The following RIF1 variants were observed in gnomAD, a reference collection of about 807,000 sequenced individuals.
The protein encoded by RIF1 is replication timing regulatory factor 1, also known as telomere-associated protein RIF1.
Under a neutral mutation model 247.1 loss-of-function variants are expected in RIF1, and 45 were observed. The observed-to-expected ratio is 0.18, with a 90% CI of 0.14 to 0.23. RIF1 has a LOEUF of 0.23. RIF1 is among the 10% of genes least tolerant of loss of function. The pLI, the probability that RIF1 is intolerant of heterozygous loss-of-function variation, is 1.00. For synonymous variants in RIF1, 1,087 were observed against 978.8 expected, an observed-to-expected ratio of 1.11 and a Z score of -2.06; for missense variants, 2,967 against 2,862.5, an observed-to-expected ratio of 1.04 and a Z score of -0.83.
At chr2:151,450,552 C>T (rs148410245) in intron 20 of RIF1, among the ~76,000 whole-genome samples, 1 of 151,892 alleles carries the variant, frequency 6.6e-6, no homozygotes, top group East Asian at 1.9e-4. Context: ...AAATTTGTGT[C>T]AAATGTGTCT....
rs1447950063 is a variant in RIF1, at chr2:151,451,690, C to A, written c.2329C>A (p.Gln777Lys). 3.5e-6 allele frequency: 5 copies of A among 1,414,680 alleles called. No individual in the cohort carries two copies. The highest frequency in any genetic ancestry group is 2.0e-6 in the Non-Finnish European group (2 of 1,000,534). 87.6% of individuals were successfully genotyped at this position (1,414,680 alleles called of 1,614,324 possible). The stretch of plus-strand genomic sequence containing the variant: ...CTTCTCACCATATAATATTAAATAT[C>A]AGCCCAAAGTTAAATGTAAGTATGT... ...IDFSPYNIKYQPKVKSPQRPS... is the reference protein window; with the variant it reads ...IDFSPYNIKYKPKVKSPQRPS... Residue 777 changes from glutamine (Q) to lysine (K), a missense_variant, in exon 21 of 36, where the codon CAG (glutamine) becomes AAG (lysine). By Grantham distance (53) the Gln-to-Lys change is moderately conservative. Around this residue, in one of 7 missense-constraint regions of RIF1, gnomAD observed 2,028 missense variants for 1,825.6 expected, o/e 1.11. Coordinates refer to ENST00000444746, the MANE Select transcript of RIF1 (RefSeq NM_018151.5).
chr2:151,457,892 A>G lies in RIF1; in HGVS notation c.2784A>G (p.Arg928=), dbSNP rs745475878. The G allele has an allele frequency of 1.9e-6, 3 of 1,613,850 alleles. No homozygotes were observed. Among genetic ancestry groups the G allele is most frequent in the Non-Finnish European group, 1.7e-6 (2 of 1,179,932 alleles). ...TTCTGCACAAGAATAAACAGATTCGAAAACAGAGTGCTCAGTTCTGGAATG... is the reference window on the plus strand; with the variant it reads ...TTCTGCACAAGAATAAACAGATTCGGAAACAGAGTGCTCAGTTCTGGAATG... ...IIFLHKNKQI[R]KQSAQFWNAT... Residue 928 remains arginine (R), a synonymous_variant, in exon 24 of 36, where the codon CGA becomes CGG. Transcript: ENST00000444746.
chr2:151,465,599 G>A lies in RIF1; in HGVS notation c.6079G>A (p.Gly2027Ser), dbSNP rs572034635. The change falls in exon 30 of 36, where the codon GGC becomes AGC. Residue 2027 changes from glycine (G) to serine (S), a missense_variant. Around this residue, in one of 7 missense-constraint regions of RIF1, gnomAD observed 2,028 missense variants for 1,825.6 expected, o/e 1.11. Coordinates refer to ENST00000444746, the MANE Select transcript of RIF1 (RefSeq NM_018151.5). ...GAAAAATAATGAAGAAATGATGATCGGCGAGGCAATGGCTGAAACTGGCCA... is the reference window on the plus strand; with the variant it reads ...GAAAAATAATGAAGAAATGATGATCAGCGAGGCAATGGCTGAAACTGGCCA... The part of the protein sequence containing the change: ...KMKNNEEMMI[G>S]EAMAETGHDG... 2.7e-5 allele frequency: 43 copies of A among 1,613,818 alleles called. No individual in the cohort carries two copies. In the East Asian group the frequency reaches 2.9e-4, roughly 11 times the overall value.
At chr2:151,524,012 C>T in the RIF1 span, among the ~76,000 whole-genome samples, 1 of 152,108 alleles carries the variant, frequency 6.6e-6, no homozygotes, top group Non-Finnish European at 1.5e-5. Flanking sequence ...CTCTTAAGGC[C>T]TGGGGAGAGG....
chr2:151,497,821 A>C, intron 10 of RIF1: 2 of 1,527,502 alleles, frequency 1.3e-6, no homozygotes, highest in Non-Finnish European at 1.8e-6. Flanking sequence ...AGGAGCCAGA[A>C]GTTATATGCT....
chr2:151,494,805 T>C (rs938592441), intron 9 of RIF1, among the ~76,000 whole-genome samples: 2 of 152,048 alleles, frequency 1.3e-5, no homozygotes. Flanking sequence ...TGCACCACCA[T>C]GCCCGGCTAA....
intron 19 of RIF1, 34 bp downstream of exon 19, chr2:151,445,479 T>G: frequency 9.6e-7 from 1 of 1,044,812 alleles, no homozygotes; most frequent in Non-Finnish European, 1.5e-6. Context: ...TTCCGAGGGA[T>G]TTGTATTTTT....
intron 25 of RIF1, among the ~76,000 whole-genome samples, chr2:151,459,311 A>T (rs997074802): frequency 1.3e-5 from 2 of 152,188 alleles, no homozygotes; most frequent in African/African-American, 2.4e-5. Flanking sequence ...TGGCATTAGG[A>T]GCAAAGTTTC....
rs138692067 is a variant in RIF1 at position 151,414,873 on chromosome 2, C to A, written c.234C>A (p.Ala78=). 3.1e-6 allele frequency: 5 copies of A among 1,612,854 alleles called. No individual in the cohort carries two copies. The African/African-American group carries it at 6.7e-5, about 22-fold the overall frequency. ...NSELSSAALQ[A]LGFCLYNPKI... ...AGCTGAGTAGTGCTGCTCTACAAGC[C>A]CTGGGGTTTTGCTTATATAATCCCA... The change falls in exon 4 of 36, where the codon GCC becomes GCA. Residue 78 remains alanine, a synonymous_variant. Coordinates refer to ENST00000444746, the MANE Select transcript of RIF1 (RefSeq NM_018151.5).
intron 10 of RIF1, among the ~76,000 whole-genome samples, chr2:151,434,449 T>TTTTC (rs1416297845): frequency 6.9e-6 from 1 of 145,500 alleles, no homozygotes; most frequent in Non-Finnish European, 1.5e-5. Flanking sequence ...TTTTTTTTTT[T>TTTTC]TTTTTTTTTG....
chr2:151,461,390 A>AT, intron 27 of RIF1, 101 bp downstream of exon 27: 6 of 1,100,886 alleles, frequency 5.5e-6, no homozygotes, highest in Admixed American at 2.4e-5. Flanking sequence ...TATGTGTACT[A>AT]ATTTTTTTTT....
rs779234683 is a variant in RIF1 at position 151,469,831 on chromosome 2, A to G, written c.7062A>G (p.Val2354=). ...TCCGTTCTCCAAAAGTGTCCAATGT[A>G]AAAAAGGCTCTCAGAATATATCATG... ...LPIRSPKVSN[V]KKALRIYHEQ... The change falls in exon 34 of 36, where the codon GTA becomes GTG. Residue 2354 remains valine, a synonymous_variant. Transcript: ENST00000444746. 1.9e-6 allele frequency: 3 copies of G among 1,607,588 alleles called. No homozygotes were observed. The highest frequency in any genetic ancestry group is 3.4e-5 in the Admixed American group (2 of 59,304).
chr2:151,457,087 G>A, intron 23 of RIF1, among the ~76,000 whole-genome samples: 1 of 143,836 alleles, frequency 7.0e-6, no homozygotes, highest in Non-Finnish European at 1.5e-5. Flanking sequence ...CATTTATAGG[G>A]TTTTTTTTTT....
chr2:151,526,545 C>G, the RIF1 span, among the ~76,000 whole-genome samples: 1 of 152,302 alleles, frequency 6.6e-6, no homozygotes, highest in Non-Finnish European at 1.5e-5. Context: ...ATAAGCCCTC[C>G]ATGAGCCCAT....
the RIF1 span, among the ~76,000 whole-genome samples, chr2:151,515,538 A>T: frequency 1.0e-3 from 153 of 152,190 alleles, no homozygotes; most frequent in African/African-American, 3.6e-3. Flanking sequence ...AAAATCACTG[A>T]ATAGCTTAGG....
rs187496580 is a variant in RIF1, at chr2:151,505,270, C to T, written c.*862-940C>T. 1.7e-4 allele frequency among the ~76,000 whole-genome samples: 26 copies of T among 152,228 alleles called. No homozygotes were observed. In the East Asian group the frequency reaches 4.4e-3, roughly 26 times the overall value. On this transcript the variant is annotated intron_variant and NMD_transcript_variant, in intron 12 of 13. Transcript: ENST00000454583. ...GTCAGTGACAGGTAGGAAAAGAAAG[C>T]CAAATCCCTTCTACTCCTTGATTAT... is the stretch of plus-strand genomic sequence containing the variant.
the RIF1 span, chr2:151,531,251 A>C: frequency 7.9e-3 from 4,096 of 519,934 alleles, 122 homozygotes; most frequent in African/African-American, 0.07. Flanking sequence ...CTAAGACTTC[A>C]GTGTTTCCAG....
At position 151,464,429 on chromosome 2, in the gene RIF1, T is replaced by A; in HGVS notation, c.4909T>A (p.Ser1637Thr). The change falls in exon 30 of 36, where the codon TCA becomes ACA. Residue 1637 changes from serine to threonine, a missense_variant. Ser to Thr is a moderately conservative substitution (Grantham distance 58, BLOSUM62 1). This residue lies in a region of RIF1 where 2,028 missense variants were observed against 1,825.6 expected (regional missense o/e 1.11). Transcript: ENST00000444746. ...AATATGTCAGGATTCTACAGTAACTTCAGATTTGTTGCAAGTTCCTGATGA... is the reference window on the plus strand; with the variant it reads ...AATATGTCAGGATTCTACAGTAACTACAGATTTGTTGCAAGTTCCTGATGA... ...TVICQDSTVT[S>T]DLLQVPDDLP... 2 of 1,613,534 alleles carry A rather than the reference T, an allele frequency of 1.2e-6. No homozygotes were observed. Among genetic ancestry groups the A allele is most frequent in the Non-Finnish European group, 1.7e-6 (2 of 1,179,844 alleles).
At chr2:151,422,900 A>ATT in intron 7 of RIF1, 50 bp from the exon 8 acceptor site, 1 of 968,710 alleles carries the variant, frequency 1.0e-6, no homozygotes, top group African/African-American at 1.7e-5. Flanking sequence ...TTGGTATTGG[A>ATT]TTTTTTTTTC....
Sources: gnomAD v4.1 joint callset for allele counts (sites outside exome capture counted in the v4.1 genomes callset) on GRCh38, gnomAD v4.1.1 for gene constraint, gnomAD v4.1.1 regional missense constraint, MANE v1.5 for transcripts, NCBI Gene and HGNC (gene_info 2026-07-23, HGNC 2026-07-21) for gene names.